The following HTR1F variants were observed in gnomAD, a reference collection of about 807,000 sequenced individuals.
HTR1F encodes 5-hydroxytryptamine (serotonin) receptor 1F, G protein-coupled.
Under a neutral mutation model 24.0 loss-of-function variants are expected in HTR1F, and 17 were observed. The ratio of observed to expected loss-of-function variants is 0.71; its 90% confidence interval spans 0.48 to 1.06. The LOEUF is 1.06. Ranked by LOEUF, HTR1F falls within the 50% of genes least tolerant of loss-of-function variation. The pLI, the probability that HTR1F is intolerant of heterozygous loss-of-function variation, is 0.00. For missense variants in HTR1F, 391 were observed against 427.8 expected, an observed-to-expected ratio of 0.91 and a Z score of 0.76; for synonymous variants, 186 against 156.8, an observed-to-expected ratio of 1.19 and a Z score of -1.39.
chr3:87,924,920 CTT>C (rs1395791654), intron 2 of HTR1F, among the ~76,000 whole-genome samples: 1 of 152,042 alleles, frequency 6.6e-6, no homozygotes, highest in Non-Finnish European at 1.5e-5. Context: ...TCTCTCAAGA[CTT>C]AGGAAATTTT....
At chr3:87,852,306 C>A (rs1257448516) in intron 2 of HTR1F, among the ~76,000 whole-genome samples, 1 of 151,444 alleles carries the variant, frequency 6.6e-6, no homozygotes. Flanking sequence ...TTCTTTATAT[C>A]TGTTTTATAG....
rs142035916 is a variant in HTR1F at position 87,798,642 on chromosome 3, C to T, written c.-160+5800C>T. The stretch of plus-strand genomic sequence containing the variant: ...TTCCTGTCACCAGCTCCTCCACTCC[C>T]ATTAACTCCTCTCCCACCACAGGCC... On this transcript the variant is annotated intron_variant, in intron 1 of 2. Transcript: ENST00000319595. Among the ~76,000 whole-genome samples the T allele has an allele frequency of 2.0e-3, 303 of 152,154 alleles. 3 individuals carry two copies. Among genetic ancestry groups the T allele is most frequent in the African/African-American group, 7.0e-3 (291 of 41,518 alleles).
chr3:87,840,276 T>C (rs146723087), intron 2 of HTR1F, among the ~76,000 whole-genome samples: 1 of 152,272 alleles, frequency 6.6e-6, no homozygotes, highest in African/African-American at 2.4e-5. Context: ...GATGCATAGT[T>C]TGTGAATATT....
intron 2 of HTR1F, among the ~76,000 whole-genome samples, chr3:87,894,013 T>C (rs1332503188): frequency 1.9e-5 from 2 of 103,762 alleles, no homozygotes; most frequent in African/African-American, 1.5e-4. Flanking sequence ...TTTATTTTTC[T>C]TTTTTTTTTA....
rs990219987 is a variant in HTR1F at position 87,991,882 on chromosome 3, G to C, written c.*32G>C. The C allele has an allele frequency of 6.6e-6, 10 of 1,509,752 alleles. No homozygotes were observed. The Admixed American group carries it at 2.1e-4, about 31-fold the overall frequency. The allele number at this position is 1,509,752 out of a possible 1,614,324, so 93.5% of individuals were successfully genotyped here. ...AAATGTTTATTATTGAAGGATGGGG[G>C]TTTTTGAGGGGAGGAATAACTAGAT... On this transcript the variant is annotated 3_prime_UTR_variant, in exon 3 of 3. Coordinates refer to ENST00000319595, the MANE Select transcript of HTR1F (RefSeq NM_001322209.2).
chr3:87,983,766 T>C (rs1349364977), intron 2 of HTR1F, among the ~76,000 whole-genome samples: 1 of 152,226 alleles, frequency 6.6e-6, no homozygotes, highest in Non-Finnish European at 1.5e-5. Flanking sequence ...TTTCAAGCAC[T>C]AATGGAAGAG....
At chr3:87,890,843 C>CTTTT (rs5850816) in intron 2 of HTR1F, among the ~76,000 whole-genome samples, 1 of 139,132 alleles carries the variant, frequency 7.2e-6, no homozygotes, top group Non-Finnish European at 1.6e-5. Context: ...TCAATTATTT[C>CTTTT]TTTTTTTTTT....
chr3:87,952,254 T>C (rs1704850192), intron 2 of HTR1F, among the ~76,000 whole-genome samples: 1 of 151,778 alleles, frequency 6.6e-6, no homozygotes, highest in Non-Finnish European at 1.5e-5. Context: ...TTTTAAAATT[T>C]ATTTTTTAAC....
At chr3:87,825,812 A>C (rs537567175) in intron 2 of HTR1F, among the ~76,000 whole-genome samples, 100 of 152,280 alleles carry the variant, frequency 6.6e-4, no homozygotes, top group Non-Finnish European at 1.4e-3. Flanking sequence ...CAGAGGTACC[A>C]CTTGAGACAG....
At chr3:87,888,040 T>C (rs1705995690) in intron 2 of HTR1F, among the ~76,000 whole-genome samples, 1 of 152,170 alleles carries the variant, frequency 6.6e-6, no homozygotes, top group Admixed American at 6.6e-5. Flanking sequence ...TGTGGCACTG[T>C]TCACAATAGC....
At chr3:87,908,333 C>T (rs1243738946) in intron 2 of HTR1F, among the ~76,000 whole-genome samples, 2 of 151,720 alleles carry the variant, frequency 1.3e-5, no homozygotes, top group Non-Finnish European at 2.9e-5. Context: ...GGAAAATAAC[C>T]ATATTGCTAA....
intron 2 of HTR1F, among the ~76,000 whole-genome samples, chr3:87,984,004 TA>T (rs1170560382): frequency 6.6e-6 from 1 of 152,320 alleles, no homozygotes; most frequent in East Asian, 1.9e-4. Context: ...GCCTACAAAA[TA>T]AAACCTGGTG....
chr3:87,975,208 T>C (rs534502405), intron 2 of HTR1F, among the ~76,000 whole-genome samples: 1 of 152,240 alleles, frequency 6.6e-6, no homozygotes, highest in South Asian at 2.1e-4. Context: ...GAACTTCTTA[T>C]GTTTAAAATG....
intron 2 of HTR1F, among the ~76,000 whole-genome samples, chr3:87,823,523 T>TTTTA (rs1704401774): frequency 6.6e-6 from 1 of 151,718 alleles, no homozygotes; most frequent in Admixed American, 6.6e-5. Context: ...CATATTTTTT[T>TTTTA]TTTTTTTTTG....
intron 2 of HTR1F, among the ~76,000 whole-genome samples, chr3:87,931,295 G>A (rs146471739): frequency 5.9e-5 from 9 of 151,772 alleles, no homozygotes; most frequent in East Asian, 5.8e-4. Flanking sequence ...GAGAACATGC[G>A]GTGTTTGGTT....
intron 2 of HTR1F, among the ~76,000 whole-genome samples, chr3:87,893,205 G>A (rs1450373803): frequency 6.6e-6 from 1 of 152,056 alleles, no homozygotes; most frequent in Non-Finnish European, 1.5e-5. Flanking sequence ...TTATCTGTAA[G>A]TCACTTATTT....
chr3:87,881,626 A>G (rs773579430), intron 2 of HTR1F, among the ~76,000 whole-genome samples: 9 of 152,220 alleles, frequency 5.9e-5, no homozygotes, highest in Non-Finnish European at 1.3e-4. Context: ...TCCCTATTTA[A>G]TAAATGGTGC....
At chr3:87,887,641 C>A (rs548040729) in intron 2 of HTR1F, among the ~76,000 whole-genome samples, 1 of 152,110 alleles carries the variant, frequency 6.6e-6, no homozygotes, top group Non-Finnish European at 1.5e-5. Flanking sequence ...AGAAAACAAC[C>A]CAATCAAAAA....
intron 2 of HTR1F, among the ~76,000 whole-genome samples, chr3:87,986,933 C>T (rs1175193598): frequency 6.6e-6 from 1 of 151,926 alleles, no homozygotes; most frequent in Non-Finnish European, 1.5e-5. Context: ...GGTGAAACTC[C>T]GTCTCTACTA....
Sources: allele counts gnomAD v4.1 joint callset (sites outside exome capture counted in the v4.1 genomes callset), GRCh38; gene constraint gnomAD v4.1.1; transcripts MANE v1.5; gene names NCBI Gene and HGNC (gene_info 2026-07-23, HGNC 2026-07-21).